Variants in ALDH2 observed in about 807,000 individuals in gnomAD.
The protein encoded by ALDH2 is aldehyde dehydrogenase 2 family member.
ALDH2 carries 44 observed loss-of-function variants against 59.6 expected under a neutral mutation model. The observed-to-expected ratio is 0.74, with a 90% CI of 0.58 to 0.95. The LOEUF is 0.95. Among genes scored for constraint, ALDH2 ranks in the 40% least tolerant of loss-of-function variants. The probability of loss-of-function intolerance (pLI) is 0.00; values close to 1 mark genes in which losing one functional copy is unlikely to be tolerated. For missense variants in ALDH2, 570 were observed against 696.3 expected, an observed-to-expected ratio of 0.82 and a Z score of 2.04; for synonymous variants, 291 against 284.0, an observed-to-expected ratio of 1.02 and a Z score of -0.25.
In ALDH2 at chr12:111,796,482, G is replaced by A. The variant is rs146304025; in HGVS notation, c.1084-1596G>A. ...ACACCACTGCACTGCTGCCTGAGTG[G>A]CAGAGTGAGGCCCTGACTCTTTTTA... On this transcript the variant is annotated intron_variant, in intron 9 of 12. Transcript: ENST00000261733. 7.7e-4 allele frequency among the ~76,000 whole-genome samples: 117 copies of A among 152,164 alleles called. 1 individual carries two copies. Among genetic ancestry groups the A allele is most frequent in the Middle Eastern group, 3.4e-3 (1 of 294 alleles).
intron 4 of ALDH2, among the ~76,000 whole-genome samples, chr12:111,788,101 T>C (rs908803993): frequency 6.6e-6 from 1 of 151,794 alleles, no homozygotes; most frequent in Non-Finnish European, 1.5e-5. Flanking sequence ...GGCATGCTAC[T>C]TGGGAGTCTG....
chr12:111,789,287 G>A (rs562218802), intron 4 of ALDH2, among the ~76,000 whole-genome samples: 99 of 151,458 alleles, frequency 6.5e-4, no homozygotes, highest in Middle Eastern at 6.9e-3. Flanking sequence ...AAAGTGCTGG[G>A]ATTACAAGTG....
At chr12:111,807,202 G>A (rs1353941112) in intron 12 of ALDH2, among the ~76,000 whole-genome samples, 1 of 152,074 alleles carries the variant, frequency 6.6e-6, no homozygotes, top group South Asian at 2.1e-4. Flanking sequence ...GGCGGAGCTT[G>A]CAGTGAGCCG....
intron 9 of ALDH2, among the ~76,000 whole-genome samples, chr12:111,797,434 C>T (rs2068413470): frequency 6.6e-6 from 1 of 152,066 alleles, no homozygotes; most frequent in African/African-American, 2.4e-5. Flanking sequence ...AACCCTGTCT[C>T]TACTAAAAAT....
At chr12:111,783,130 A>G (rs1392841444) in intron 2 of ALDH2, 28 bp from the exon 3 acceptor site, 1 of 1,596,536 alleles carries the variant, frequency 6.3e-7, no homozygotes. Context: ...GTTTTCCAGG[A>G]AGGCTTGAGT....
chr12:111,782,977 AC>A (rs1449661015), intron 2 of ALDH2, among the ~76,000 whole-genome samples, 180 bp from the exon 3 acceptor site: 9 of 152,126 alleles, frequency 5.9e-5, no homozygotes, highest in Admixed American at 1.3e-4. Context: ...ATGTTATTCA[AC>A]CCCATTGCTG....
Position 111,766,969 on chromosome 12 carries a change from G to T in ALDH2, c.-14G>T. 6.6e-7 allele frequency: 1 copy of T among 1,519,668 alleles called. No individual in the cohort carries two copies. Among genetic ancestry groups the T allele is most frequent in the Non-Finnish European group, 8.8e-7 (1 of 1,140,318 alleles). The allele number at this position is 1,519,668 out of a possible 1,614,324, so 94.1% of individuals were successfully genotyped here. On this transcript the variant is annotated 5_prime_UTR_variant, in exon 1 of 13. Transcript: ENST00000261733. ...TCTGCTCTCGGTCCGCTCGCTGTCC[G>T]CTAGCCCGCTGCGATGTTGCGCGCT...
intron 1 of ALDH2, among the ~76,000 whole-genome samples, chr12:111,775,365 G>C (rs1353659106): frequency 6.6e-6 from 1 of 152,104 alleles, no homozygotes; most frequent in Non-Finnish European, 1.5e-5. Flanking sequence ...GCCTCCTCCT[G>C]CTTCTCACTT....
chr12:111,793,602 T>C (rs1187578756), intron 9 of ALDH2, among the ~76,000 whole-genome samples: 1 of 152,052 alleles, frequency 6.6e-6, no homozygotes, highest in Non-Finnish European at 1.5e-5. Flanking sequence ...TTTTTAATTT[T>C]TATTTTTTTT....
chr12:111,803,464 G>T (rs2068469987), intron 11 of ALDH2, among the ~76,000 whole-genome samples: 2 of 151,524 alleles, frequency 1.3e-5, no homozygotes, highest in South Asian at 4.2e-4. Context: ...AATTAGCCAG[G>T]CATAGTGGCA....
chr12:111,805,342 C>T (rs964375270), intron 12 of ALDH2, among the ~76,000 whole-genome samples: 2 of 152,098 alleles, frequency 1.3e-5, no homozygotes, highest in Admixed American at 1.3e-4. Flanking sequence ...ATGGGTTGAG[C>T]AGGCCTTTCC....
chr12:111,782,150 C>T (rs566294647), intron 2 of ALDH2, 128 bp downstream of exon 2: 11 of 675,294 alleles, frequency 1.6e-5, no homozygotes, highest in Admixed American at 1.1e-4. Flanking sequence ...TGAAAAATTC[C>T]GAGTAAATTA....
chr12:111,807,236 G>C lies in ALDH2; in HGVS notation c.1522-2307G>C, dbSNP rs181369161. On this transcript the variant is annotated intron_variant, in intron 12 of 12. Coordinates refer to ENST00000261733, the MANE Select transcript of ALDH2 (RefSeq NM_000690.4). ...CGAGATGGTGCCACTGCACTCCAGC[G>C]TGGGAGACAGAGCGAGACTCTGTCT... Among the ~76,000 whole-genome samples the C allele has an allele frequency of 5.0e-3, 753 of 151,994 alleles. 3 individuals are homozygous for C. The highest frequency in any genetic ancestry group is 0.015 in the South Asian group (71 of 4,804).
At chr12:111,796,344 T>A (rs568794405) in intron 9 of ALDH2, among the ~76,000 whole-genome samples, 42 of 149,920 alleles carry the variant, frequency 2.8e-4, no homozygotes, top group African/African-American at 5.9e-4. Context: ...ATTTTTTTTT[T>A]AAAAAAAAGC....
chr12:111,772,655 C>G (rs1282810182), intron 1 of ALDH2, among the ~76,000 whole-genome samples: 2 of 148,208 alleles, frequency 1.3e-5, no homozygotes, highest in Non-Finnish European at 3.0e-5. Context: ...GCCACTGCAC[C>G]TGGCCTCTTT....
intron 9 of ALDH2, among the ~76,000 whole-genome samples, chr12:111,795,600 T>C (rs2068397166): frequency 6.7e-6 from 1 of 149,640 alleles, no homozygotes; most frequent in Non-Finnish European, 1.5e-5. Context: ...TCTTTTCTTT[T>C]TTTTTTTTTT....
intron 1 of ALDH2, among the ~76,000 whole-genome samples, chr12:111,779,044 G>A (rs1459611375): frequency 2.0e-5 from 3 of 151,934 alleles, no homozygotes; most frequent in African/African-American, 7.2e-5. Flanking sequence ...TTTGTGGAGA[G>A]AGGGTCTCAC....
chr12:111,779,895 T>C (rs1220327897), intron 1 of ALDH2, among the ~76,000 whole-genome samples: 1 of 152,216 alleles, frequency 6.6e-6, no homozygotes, highest in Admixed American at 6.5e-5. Flanking sequence ...TGTATGTATT[T>C]ATTTTTATTT....
At chr12:111,771,593 G>A (rs1004279063) in intron 1 of ALDH2, among the ~76,000 whole-genome samples, 1 of 152,124 alleles carries the variant, frequency 6.6e-6, no homozygotes, top group African/African-American at 2.4e-5. Flanking sequence ...ATGTCAAGGA[G>A]GAAAAATGTC....
Sources: allele counts gnomAD v4.1 joint callset (sites outside exome capture counted in the v4.1 genomes callset), GRCh38; gene constraint gnomAD v4.1.1; transcripts MANE v1.5; gene names NCBI Gene and HGNC (gene_info 2026-07-23, HGNC 2026-07-21).